The following JAK1 variants were observed in gnomAD, a reference collection of about 807,000 sequenced individuals.
The protein encoded by JAK1 is Janus kinase 1.
In JAK1, 16 loss-of-function variants were observed where a neutral mutation model predicts 136.6. That is an observed-to-expected ratio of 0.12 (90% CI 0.08 to 0.18). The LOEUF (loss-of-function observed/expected upper bound fraction) is 0.18, where lower values mean the gene tolerates loss of function less well. Among genes scored for constraint, JAK1 ranks in the 10% least tolerant of loss-of-function variants. JAK1 has a pLI of 1.00. For missense variants in JAK1, 859 were observed against 1,450.1 expected, an observed-to-expected ratio of 0.59 and a Z score of 6.62; for synonymous variants, 492 against 519.5, an observed-to-expected ratio of 0.95 and a Z score of 0.72.
intron 2 of JAK1, among the ~76,000 whole-genome samples, chr1:65,021,407 G>A (rs1031987224): frequency 1.3e-5 from 2 of 152,260 alleles, no homozygotes; most frequent in East Asian, 1.9e-4. Flanking sequence ...TCCTTCCATC[G>A]GCACTTCAGC....
At chr1:64,911,792 T>A (rs1406224814) in intron 1 of JAK1, among the ~76,000 whole-genome samples, 10 of 152,244 alleles carry the variant, frequency 6.6e-5, no homozygotes. Context: ...GCTAGGTTCA[T>A]ATTTTGATTA....
intron 5 of JAK1, among the ~76,000 whole-genome samples, chr1:64,869,972 C>T (rs567804670): frequency 9.2e-5 from 14 of 152,340 alleles, no homozygotes; most frequent in African/African-American, 3.1e-4. Flanking sequence ...CATTTTCCCA[C>T]ATCTACCGTT....
intron 1 of JAK1, chr1:65,067,490 C>A (rs1648114304): frequency 6.8e-6 from 1 of 147,028 alleles, no homozygotes; most frequent in African/African-American, 2.4e-5. Flanking sequence ...CGGACGTCCA[C>A]ACTCTGCGCC....
intron 1 of JAK1, among the ~76,000 whole-genome samples, chr1:64,905,963 C>T (rs1273924510): frequency 6.6e-6 from 1 of 152,176 alleles, no homozygotes; most frequent in Non-Finnish European, 1.5e-5. Flanking sequence ...GAAGTGATCT[C>T]ACCCTGTTGC....
rs1553185113 is a variant in JAK1, at chr1:65,053,053, A to AAAAAAAAAAG, written c.-180-8472_-180-8471insCTTTTTTTTT. 6.7e-5 allele frequency among the ~76,000 whole-genome samples: 9 copies of AAAAAAAAAAG among 133,716 alleles called. 1 individual carries two copies. Among genetic ancestry groups the AAAAAAAAAAG allele is most frequent in the African/African-American group, 2.3e-4 (8 of 35,194 alleles). The allele number at this position is 133,716 out of a possible 152,430, so 87.7% of individuals were successfully genotyped here. A position where few individuals can be genotyped will look rare whatever the true frequency, so the allele number is the denominator to read the frequency against. On this transcript the variant is annotated intron_variant, in intron 1 of 25. Coordinates refer to the JAK1 transcript ENST00000671954. ...CTCAAAAAAAAAAAAAAAAAAAAAA[A>AAAAAAAAAAG]AAAGACTAGAGGCTGGGCACAGTGG...
In JAK1 at chr1:64,867,026, A is replaced by G; in HGVS notation, c.830T>C (p.Leu277Ser). 2 of 1,614,262 alleles carry G rather than the reference A, an allele frequency of 1.2e-6. No homozygotes were observed. Among genetic ancestry groups the G allele is most frequent in the Non-Finnish European group, 1.7e-6 (2 of 1,180,040 alleles). The change falls in exon 7 of 25, where the codon TTG becomes TCG. Residue 277 changes from leucine to serine, a missense_variant. Around this residue, in one of 4 missense-constraint regions of JAK1, gnomAD observed 353 missense variants for 494.0 expected, o/e 0.71. Transcript: ENST00000342505. ...TATTTCAGCACCGTAATGTTTTGTC[A>G]AAGTTTCCAAGGTAGCCAAGTATTT... ...KVKYLATLET[L>S]TKHYGAEIFE...
chr1:65,017,541 TTATC>T (rs1447546344), intron 2 of JAK1, among the ~76,000 whole-genome samples: 4 of 152,036 alleles, frequency 2.6e-5, no homozygotes, highest in East Asian at 1.9e-4. Flanking sequence ...CTAATAGAGA[TTATC>T]TATATTTCAT....
At chr1:64,961,846 C>T (rs12066475) in intron 1 of JAK1, among the ~76,000 whole-genome samples, 1,913 of 152,296 alleles carry the variant, frequency 0.013, 40 homozygotes, top group African/African-American at 0.044. Flanking sequence ...GCTACTACAG[C>T]ATCACCCACA....
chr1:64,914,713 A>C, intron 1 of JAK1, among the ~76,000 whole-genome samples: 1 of 152,016 alleles, frequency 6.6e-6, no homozygotes, highest in Admixed American at 6.6e-5. Context: ...ACAGGTGTGC[A>C]CCACCATGCC....
intron 2 of JAK1, among the ~76,000 whole-genome samples, chr1:64,977,663 C>T (rs1334066981): frequency 6.6e-6 from 1 of 151,206 alleles, no homozygotes; most frequent in Non-Finnish European, 1.5e-5. Context: ...AATCTCCTGA[C>T]CTCATGATCT....
In JAK1 at chr1:64,841,159, T is replaced by G. The variant is rs139334404; in HGVS notation, c.2649+86A>C. On this transcript the variant is annotated intron_variant, in intron 19 of 24. Transcript: ENST00000342505. ...GACCTGGCCCCAGAATGAAAAAGAA[T>G]GGAGAGCAGCTGTACGTGCAGAGAG... 5.1e-3 allele frequency: 4,930 copies of G among 972,120 alleles called. 19 individuals carry two copies. The highest frequency in any genetic ancestry group is 6.3e-3 in the Non-Finnish European group (3,890 of 619,024). 60.2% of individuals were successfully genotyped at this position (972,120 alleles called of 1,614,324 possible). A position where few individuals can be genotyped will look rare whatever the true frequency, so the allele number is the denominator to read the frequency against.
chr1:65,023,838 G>T (rs1646955968), intron 2 of JAK1, among the ~76,000 whole-genome samples: 1 of 151,458 alleles, frequency 6.6e-6, no homozygotes, highest in Admixed American at 6.6e-5. Flanking sequence ...CTCTGGGATT[G>T]CATGTAAATG....
At chr1:64,976,317 T>G (rs1041197809) in intron 2 of JAK1, among the ~76,000 whole-genome samples, 1 of 152,246 alleles carries the variant, frequency 6.6e-6, no homozygotes, top group African/African-American at 2.4e-5. Context: ...CCCACAGTCA[T>G]GGACCCATGC....
intron 11 of JAK1, 75 bp from the exon 12 acceptor site, chr1:64,850,985 C>G: frequency 2.9e-6 from 3 of 1,017,242 alleles, no homozygotes; most frequent in Non-Finnish European, 4.6e-6. Context: ...TCTGCTGAGC[C>G]GGGGCCGTGG....
At chr1:64,845,335 C>T (rs1655159911) in intron 15 of JAK1, among the ~76,000 whole-genome samples, 178 bp downstream of exon 15, 1 of 152,166 alleles carries the variant, frequency 6.6e-6, no homozygotes, top group Middle Eastern at 3.2e-3. Context: ...CAGGGAACGG[C>T]CCCAAACGAC....
At chr1:64,895,982 ATGCC>A (rs1370895936) in intron 1 of JAK1, among the ~76,000 whole-genome samples, 1 of 152,244 alleles carries the variant, frequency 6.6e-6, no homozygotes, top group Non-Finnish European at 1.5e-5. Context: ...AGTTCAGTGC[ATGCC>A]TGTCAATGGG....
intron 1 of JAK1, among the ~76,000 whole-genome samples, chr1:64,929,338 T>A (rs1166445816): frequency 6.6e-6 from 1 of 152,236 alleles, no homozygotes; most frequent in Non-Finnish European, 1.5e-5. Context: ...AAGTTCCCCC[T>A]ATTCATCTTT....
chr1:65,044,824 T>C (rs1361576052), intron 1 of JAK1, among the ~76,000 whole-genome samples: 1 of 152,242 alleles, frequency 6.6e-6, no homozygotes, highest in African/African-American at 2.4e-5. Context: ...GCTGTCACCC[T>C]TGGAGACTGT....
chr1:64,855,402 T>C lies in JAK1; in HGVS notation c.1648+107A>G, dbSNP rs578171463. The C allele has an allele frequency of 2.1e-4, 216 of 1,005,072 alleles. No individual in the cohort carries two copies. The African/African-American group carries it at 2.6e-3, about 12-fold the overall frequency. The allele number at this position is 1,005,072 out of a possible 1,614,324, so 62.3% of individuals were successfully genotyped here. A position where few individuals can be genotyped will look rare whatever the true frequency, so the allele number is the denominator to read the frequency against. ...AACTCAATAAAAAACACCTAGAAAC[T>C]GTGGGGAGGGTCCACTTTGTTTAAG... On this transcript the variant is annotated intron_variant, in intron 11 of 24. Coordinates refer to ENST00000342505, the MANE Select transcript of JAK1 (RefSeq NM_002227.4).
Sources: gnomAD v4.1 joint callset for allele counts (sites outside exome capture counted in the v4.1 genomes callset) on GRCh38, gnomAD v4.1.1 for gene constraint, gnomAD v4.1.1 regional missense constraint, MANE v1.5 for transcripts, NCBI Gene and HGNC (gene_info 2026-07-23, HGNC 2026-07-21) for gene names.